The following SLC4A10 variants were observed in gnomAD, a reference collection of about 807,000 sequenced individuals.
The protein encoded by SLC4A10 is sodium-driven chloride bicarbonate exchanger.
A neutral mutation model predicts 137.7 loss-of-function variants in SLC4A10; 42 were observed. The observed-to-expected ratio is 0.30, with a 90% CI of 0.24 to 0.39. The LOEUF is 0.39. Among genes scored for constraint, SLC4A10 ranks in the 10% least tolerant of loss-of-function variants. SLC4A10 has a pLI of 1.00. For synonymous variants in SLC4A10, 474 were observed against 464.1 expected (o/e 1.02, Z -0.27); for missense variants, 925 against 1,355.0 (o/e 0.68, Z 4.98).
At chr2:161,729,594 C>A (rs184774402) in intron 1 of SLC4A10, among the ~76,000 whole-genome samples, 63 of 151,532 alleles carry the variant, frequency 4.2e-4, no homozygotes, top group African/African-American at 1.5e-3. Flanking sequence ...AAATGTTTGA[C>A]TATAAGTTTT....
At position 161,808,558 on chromosome 2, in the gene SLC4A10, G is replaced by T. The variant is rs570890479; in HGVS notation, c.277+3963G>T. ...CACAGAGTATAGTTTTACAACCCTT[G>T]TTCCCCACCCTCCTTCCCTGCTCTG... On this transcript the variant is annotated intron_variant, in intron 3 of 26. Transcript: ENST00000446997. 2.0e-5 allele frequency among the ~76,000 whole-genome samples: 3 copies of T among 152,040 alleles called. No homozygotes were observed. The South Asian group carries it at 6.2e-4, about 32-fold the overall frequency.
At chr2:161,911,877 A>T (rs918526575) in intron 15 of SLC4A10, among the ~76,000 whole-genome samples, 6 of 152,112 alleles carry the variant, frequency 3.9e-5, no homozygotes, top group Non-Finnish European at 8.8e-5. Context: ...AATAGTAGGC[A>T]CTCAATAAAT....
At chr2:161,708,797 A>G in intron 1 of SLC4A10, 1 of 1,532,672 alleles carries the variant, frequency 6.5e-7, no homozygotes, top group Non-Finnish European at 8.7e-7. Context: ...GCAGTCTGGA[A>G]CCTGTGAGCC....
At chr2:161,667,522 G>A (rs1330269128) in intron 1 of SLC4A10, among the ~76,000 whole-genome samples, 1 of 151,580 alleles carries the variant, frequency 6.6e-6, no homozygotes, top group African/African-American at 2.4e-5. Flanking sequence ...GGGTGGGATG[G>A]GAAGATACTG....
chr2:161,701,536 G>A (rs2043120260), intron 1 of SLC4A10, among the ~76,000 whole-genome samples: 1 of 151,842 alleles, frequency 6.6e-6, no homozygotes, highest in African/African-American at 2.4e-5. Context: ...GGATAATTGG[G>A]ATATCCATCA....
At chr2:161,805,709 G>C (rs2055874259) in intron 3 of SLC4A10, among the ~76,000 whole-genome samples, 1 of 152,150 alleles carries the variant, frequency 6.6e-6, no homozygotes, top group African/African-American at 2.4e-5. Flanking sequence ...TCATGGTCTT[G>C]GGCAGCTCTG....
intron 2 of SLC4A10, among the ~76,000 whole-genome samples, chr2:161,781,474 A>G (rs948240720): frequency 6.6e-6 from 1 of 152,104 alleles, no homozygotes; most frequent in Non-Finnish European, 1.5e-5. Flanking sequence ...ATGTTTCATA[A>G]GATATCTATA....
intron 1 of SLC4A10, among the ~76,000 whole-genome samples, chr2:161,704,861 A>G (rs1355758478): frequency 1.3e-5 from 2 of 151,574 alleles, no homozygotes; most frequent in Non-Finnish European, 3.0e-5. Flanking sequence ...AACATCTTTG[A>G]GCATAAATCT....
chr2:161,631,619 G>A (rs988211031), intron 1 of SLC4A10, among the ~76,000 whole-genome samples: 5 of 151,512 alleles, frequency 3.3e-5, no homozygotes, highest in African/African-American at 1.2e-4. Flanking sequence ...GAGAGAGAGA[G>A]AACTATTTCA....
chr2:161,636,428 C>T (rs1426625282), intron 1 of SLC4A10, among the ~76,000 whole-genome samples: 2 of 151,842 alleles, frequency 1.3e-5, no homozygotes, highest in African/African-American at 4.8e-5. Flanking sequence ...GAGTTTCATT[C>T]TTGTTGCCCG....
chr2:161,884,300 G>A (rs531400107), intron 10 of SLC4A10, among the ~76,000 whole-genome samples: 3 of 152,100 alleles, frequency 2.0e-5, no homozygotes, highest in Non-Finnish European at 4.4e-5. Flanking sequence ...CATGAGACAC[G>A]TGATAATGTG....
At chr2:161,896,097 G>A (rs1316745001) in intron 11 of SLC4A10, among the ~76,000 whole-genome samples, 1 of 152,144 alleles carries the variant, frequency 6.6e-6, no homozygotes, top group African/African-American at 2.4e-5. Flanking sequence ...TGCCTGAGGT[G>A]TAAGGAAGGG....
At chr2:161,702,798 T>G (rs984863898) in intron 1 of SLC4A10, among the ~76,000 whole-genome samples, 3 of 151,864 alleles carry the variant, frequency 2.0e-5, no homozygotes, top group Non-Finnish European at 4.4e-5. Flanking sequence ...CTTACAATCC[T>G]AAGTATGTTC....
At chr2:161,676,032 A>T (rs543493373) in intron 1 of SLC4A10, among the ~76,000 whole-genome samples, 1 of 152,282 alleles carries the variant, frequency 6.6e-6, no homozygotes, top group East Asian at 1.9e-4. Flanking sequence ...AAATTGCTAC[A>T]CTAGAACCTC....
At chr2:161,665,818 G>T (rs1295092005) in intron 1 of SLC4A10, among the ~76,000 whole-genome samples, 1 of 151,050 alleles carries the variant, frequency 6.6e-6, no homozygotes, top group Non-Finnish European at 1.5e-5. Context: ...TGATAAAAGA[G>T]TCCAGAGGCC....
At chr2:161,756,543 C>T (rs1257246530) in intron 1 of SLC4A10, among the ~76,000 whole-genome samples, 1 of 152,142 alleles carries the variant, frequency 6.6e-6, no homozygotes, top group Non-Finnish European at 1.5e-5. Context: ...TTCTGTTCCA[C>T]ACAGTCACTC....
intron 15 of SLC4A10, among the ~76,000 whole-genome samples, chr2:161,941,713 G>A (rs1190983517): frequency 1.3e-5 from 2 of 152,090 alleles, no homozygotes; most frequent in African/African-American, 2.4e-5. Context: ...GTTGAAATCA[G>A]CCATGGAGCA....
intron 1 of SLC4A10, among the ~76,000 whole-genome samples, chr2:161,730,476 T>C (rs2046702871): frequency 6.6e-6 from 1 of 152,234 alleles, no homozygotes; most frequent in Admixed American, 6.5e-5. Context: ...ATTTATCTAT[T>C]ATCTATCAAC....
chr2:161,724,835 C>T (rs2046052402), intron 1 of SLC4A10, among the ~76,000 whole-genome samples: 1 of 152,130 alleles, frequency 6.6e-6, no homozygotes, highest in South Asian at 2.1e-4. Context: ...ATCACTGAAA[C>T]AACTAATTCT....
Sources: allele counts gnomAD v4.1 joint callset (sites outside exome capture counted in the v4.1 genomes callset), GRCh38; gene constraint gnomAD v4.1.1; transcripts MANE v1.5; gene names NCBI Gene and HGNC (gene_info 2026-07-23, HGNC 2026-07-21).